The following ERMP1 variants were observed in gnomAD, a reference collection of about 807,000 sequenced individuals.
The protein encoded by ERMP1 is Felix-ina.
Under a neutral mutation model 92.0 loss-of-function variants are expected in ERMP1, and 86 were observed. The ratio of observed to expected loss-of-function variants is 0.93; its 90% CI spans 0.79 to 1.12. ERMP1 has a LOEUF of 1.12. Ranked by LOEUF, ERMP1 falls within the 50% of genes most tolerant of loss-of-function variation. ERMP1 has a pLI of 0.00. For missense variants in ERMP1, 1,342 were observed against 1,116.3 expected, an observed-to-expected ratio of 1.20 and a Z score of -2.88; for synonymous variants, 530 against 412.8, an observed-to-expected ratio of 1.28 and a Z score of -3.44.
chr9:5,794,391 C>G (rs1247843398), intron 13 of ERMP1, among the ~76,000 whole-genome samples: 1 of 151,566 alleles, frequency 6.6e-6, no homozygotes, highest in African/African-American at 2.4e-5. Flanking sequence ...AAAGGAAGAA[C>G]AAATTAAATC....
intron 5 of ERMP1, among the ~76,000 whole-genome samples, chr9:5,861,197 G>GTGTGTA (rs1554630221): frequency 1.3e-5 from 2 of 148,630 alleles, no homozygotes; most frequent in African/African-American, 5.0e-5. Flanking sequence ...GTGTGTGTGT[G>GTGTGTA]TGTGTGTGTG....
rs1422597581 is a variant in ERMP1, at chr9:5,813,907, T to A, written c.875-872A>T. 2.7e-5 allele frequency among the ~76,000 whole-genome samples: 4 copies of A among 148,838 alleles called. No individual in the cohort carries two copies. In the Admixed American group the frequency reaches 2.7e-4, roughly 10 times the overall value. On this transcript the variant is annotated intron_variant, in intron 4 of 14. Transcript: ENST00000339450. ...ATTTATATAATTATAATTATATAAT[T>A]ATATGTATAATTGTATAATTATTCA...
At position 5,824,050 on chromosome 9, in the gene ERMP1, A is replaced by T; in HGVS notation, c.769-49T>A. 2.0e-6 allele frequency: 3 copies of T among 1,475,520 alleles called. No homozygotes were observed. In the East Asian group the frequency reaches 6.8e-5, roughly 33 times the overall value. 91.4% of individuals were successfully genotyped at this position (1,475,520 alleles called of 1,614,324 possible). ...AATATTTGTTAAACAATCTTAAATT[A>T]TCAGTCTTGATTTTGCTTAAACACA... On this transcript the variant is annotated intron_variant, in intron 3 of 14. Transcript: ENST00000339450.
intron 5 of ERMP1, among the ~76,000 whole-genome samples, chr9:5,866,503 G>A (rs1830668308): frequency 6.6e-6 from 1 of 152,176 alleles, no homozygotes; most frequent in South Asian, 2.1e-4. Flanking sequence ...AGAATTGGTA[G>A]CTCACTTGAT....
At chr9:5,815,566 G>C (rs1253330133) in intron 4 of ERMP1, among the ~76,000 whole-genome samples, 1 of 149,322 alleles carries the variant, frequency 6.7e-6, no homozygotes, top group Non-Finnish European at 1.5e-5. Flanking sequence ...CCTACAGGCA[G>C]AATGATGGAA....
intron 9 of ERMP1, 132 bp from the exon 10 acceptor site, chr9:5,805,349 G>C: frequency 1.4e-6 from 1 of 721,326 alleles, no homozygotes; most frequent in African/African-American, 1.8e-5. Context: ...AAGGGTGTAT[G>C]TTATCTTGGA....
chr9:5,816,597 T>C (rs534487778), intron 4 of ERMP1, among the ~76,000 whole-genome samples: 5 of 152,284 alleles, frequency 3.3e-5, no homozygotes, highest in African/African-American at 1.2e-4. Flanking sequence ...TATACACATC[T>C]TATGACCCAG....
At chr9:5,851,745 G>C (rs187496496) in intron 6 of ERMP1, among the ~76,000 whole-genome samples, 3 of 152,270 alleles carry the variant, frequency 2.0e-5, no homozygotes, top group African/African-American at 7.2e-5. Flanking sequence ...GTGACTGTGA[G>C]TCACCTTTCC....
At chr9:5,819,200 C>T (rs751828514) in intron 4 of ERMP1, among the ~76,000 whole-genome samples, 2 of 151,926 alleles carry the variant, frequency 1.3e-5, no homozygotes. Flanking sequence ...ATAAACGAAA[C>T]ATAATACATC....
At chr9:5,848,645 G>C (rs897081133) in intron 6 of ERMP1, among the ~76,000 whole-genome samples, 3 of 152,160 alleles carry the variant, frequency 2.0e-5, no homozygotes, top group Non-Finnish European at 4.4e-5. Context: ...ATTTTTTAAT[G>C]TTCAGAGCTT....
intron 4 of ERMP1, among the ~76,000 whole-genome samples, chr9:5,821,513 G>C (rs1381687828): frequency 1.3e-5 from 2 of 152,166 alleles, no homozygotes; most frequent in Non-Finnish European, 2.9e-5. Flanking sequence ...TACCAAAAAT[G>C]AGTACTTAAT....
intron 8 of ERMP1, among the ~76,000 whole-genome samples, chr9:5,809,316 G>T (rs749190942): frequency 2.0e-5 from 3 of 152,160 alleles, no homozygotes; most frequent in Non-Finnish European, 4.4e-5. Flanking sequence ...CACCGCGCCC[G>T]GCCAGCCCTA....
rs1828657155 is a variant in ERMP1 at position 5,801,162 on chromosome 9, G to A, written c.2067+14C>T. On this transcript the variant is annotated intron_variant, in intron 11 of 14. Transcript: ENST00000339450. ...CCTTTCCAGATCTCAAATACCTCAT[G>A]CAAAACTGCTCACCTGAAGAAACAC... is the stretch of plus-strand genomic sequence containing the variant. The A allele has an allele frequency of 6.2e-7, 1 of 1,604,346 alleles. No individual in the cohort carries two copies. Among genetic ancestry groups the A allele is most frequent in the Non-Finnish European group, 8.5e-7 (1 of 1,176,260 alleles).
chr9:5,858,420 A>C (rs1830411104), intron 6 of ERMP1, among the ~76,000 whole-genome samples: 2 of 152,228 alleles, frequency 1.3e-5, no homozygotes, highest in Non-Finnish European at 2.9e-5. Context: ...AACAAGAGCC[A>C]GACAAAATAT....
At chr9:5,844,156 C>T (rs1423799716) in intron 6 of ERMP1, among the ~76,000 whole-genome samples, 2 of 152,206 alleles carry the variant, frequency 1.3e-5, no homozygotes, top group African/African-American at 4.8e-5. Context: ...AAAACACTAA[C>T]ATCCTACATC....
chr9:5,862,156 A>G (rs1312499639), intron 5 of ERMP1, among the ~76,000 whole-genome samples: 14 of 151,994 alleles, frequency 9.2e-5, no homozygotes, highest in Non-Finnish European at 1.9e-4. Flanking sequence ...CAGCCTCCCA[A>G]GTAGCTGGGA....
At position 5,785,211 on chromosome 9, in the gene ERMP1, A is replaced by C. The variant is rs1480335714; in HGVS notation, c.*1933T>G. 2.0e-5 allele frequency: 3 copies of C among 152,234 alleles called. No individual in the cohort carries two copies. Among genetic ancestry groups the C allele is most frequent in the Non-Finnish European group, 4.4e-5 (3 of 68,046 alleles). 9.4% of individuals were successfully genotyped at this position (152,234 alleles called of 1,614,324 possible). ...GGGAAATAACCCTAAGGCAATATGA[A>C]AACAGTCATAATTTATTACTGATAA... On this transcript the variant is annotated 3_prime_UTR_variant, in exon 15 of 15. Coordinates refer to ENST00000339450, the MANE Select transcript of ERMP1 (RefSeq NM_024896.3).
chr9:5,799,896 G>A lies in ERMP1; in HGVS notation c.2068-888C>T, dbSNP rs1029068256. The stretch of plus-strand genomic sequence containing the variant: ...CACTGAACCTCCTAAAAAAAAATCC[G>A]TTCTTCACTAAAGGTTTTACAAATT... On this transcript the variant is annotated intron_variant, in intron 11 of 14. Coordinates refer to ENST00000339450, the MANE Select transcript of ERMP1 (RefSeq NM_024896.3). 3.3e-5 allele frequency among the ~76,000 whole-genome samples: 5 copies of A among 152,118 alleles called. No homozygotes were observed. The South Asian group carries it at 6.2e-4, about 19-fold the overall frequency.
At chr9:5,855,922 C>T (rs542861603) in intron 6 of ERMP1, 1 of 241,396 alleles carries the variant, frequency 4.1e-6, no homozygotes, top group South Asian at 5.7e-5. Flanking sequence ...TTTGCCACAA[C>T]CTTGTACTGT....
Sources: gnomAD v4.1 joint callset for allele counts (sites outside exome capture counted in the v4.1 genomes callset) on GRCh38, gnomAD v4.1.1 for gene constraint, MANE v1.5 for transcripts, NCBI Gene and HGNC (gene_info 2026-07-23, HGNC 2026-07-21) for gene names.